The following GPANK1 variants were observed in gnomAD, a reference collection of about 807,000 sequenced individuals.
The protein encoded by GPANK1 is G-patch domain and ankyrin repeats 1.
A neutral mutation model predicts 24.0 loss-of-function variants in GPANK1; 22 were observed. The ratio of observed to expected loss-of-function variants is 0.92; its 90% confidence interval spans 0.66 to 1.31. GPANK1 has a LOEUF of 1.31. Among genes scored for constraint, GPANK1 ranks in the 50% most tolerant of loss-of-function variants. The pLI is 0.00. For missense variants in GPANK1, 469 were observed against 453.5 expected, an observed-to-expected ratio of 1.03 and a Z score of -0.31; for synonymous variants, 174 against 177.4, an observed-to-expected ratio of 0.98 and a Z score of 0.15.
Position 31,662,817 on chromosome 6 carries a change from G to T in GPANK1, c.627-107C>A. 1 of 683,668 alleles carries T rather than the reference G, an allele frequency of 1.5e-6. No individual in the cohort carries two copies. Among genetic ancestry groups the T allele is most frequent in the Non-Finnish European group, 2.4e-6 (1 of 416,592 alleles). 42.4% of individuals were successfully genotyped at this position (683,668 alleles called of 1,614,324 possible). A position where few individuals can be genotyped will look rare whatever the true frequency, so the allele number is the denominator to read the frequency against. ...AGAATAGGATCTTTTCAGCTTTTCTGCTAAGGAACAAATTGCCAGCTAGGC... is the reference window on the plus strand; with the variant it reads ...AGAATAGGATCTTTTCAGCTTTTCTTCTAAGGAACAAATTGCCAGCTAGGC... On this transcript the variant is annotated intron_variant, in intron 2 of 2. Coordinates refer to ENST00000375896, the MANE Select transcript of GPANK1 (RefSeq NM_033177.4). The surrounding 1 kb of genome is among the most constrained non-coding windows in gnomAD (Gnocchi z 5.5).
rs28732158 is a variant in GPANK1 at position 31,662,541 on chromosome 6, C to G, written c.796G>C (p.Gly266Arg). 94,693 of 1,612,860 alleles carry G rather than the reference C, an allele frequency of 0.059. 3,651 individuals are homozygous for G. Among genetic ancestry groups the G allele is most frequent in the East Asian group, 0.15 (6,799 of 44,870 alleles). ...AGCCCCATTCCTGGCTCCCAGCCCC[C>G]CCTCAGCAGCAGTTTGAAGCCCGGG... ...SSPGFKLLLR[G>R]GWEPGMGLGP... Residue 266 changes from glycine to arginine, a missense_variant, in exon 3 of 3, where the codon GGG becomes CGG. Physicochemically the swap from Gly to Arg is moderately radical, Grantham distance 125. Coordinates refer to ENST00000375896, the MANE Select transcript of GPANK1 (RefSeq NM_033177.4). The surrounding 1 kb of genome is among the most constrained non-coding windows in gnomAD (Gnocchi z 5.5).
In GPANK1 at chr6:31,662,363, C is replaced by A; in HGVS notation, c.974G>T (p.Arg325Leu). The change falls in exon 3 of 3, where the codon CGG (arginine) becomes CTG (leucine). Residue 325 changes from arginine to leucine, a missense_variant. Coordinates refer to ENST00000375896, the MANE Select transcript of GPANK1 (RefSeq NM_033177.4). The surrounding 1 kb of genome is among the most constrained non-coding windows in gnomAD (Gnocchi z 5.5). ...RAVAGRERPP[R>L]VATLSWREER... ...CTCCCTCCAGCTCAGTGTGGCCACCCGAGGGGGTCTCTCCCTCCCAGCCAC... is the reference window on the plus strand; with the variant it reads ...CTCCCTCCAGCTCAGTGTGGCCACCAGAGGGGGTCTCTCCCTCCCAGCCAC... 2 of 1,612,192 alleles carry A rather than the reference C, an allele frequency of 1.2e-6. No individual in the cohort carries two copies. The highest frequency in any genetic ancestry group is 1.1e-5 in the South Asian group (1 of 90,932).
At chr6:31,665,415 G>A, upstream of GPANK1, 3 of 1,552,160 alleles carry the variant, frequency 1.9e-6, no homozygotes, top group Non-Finnish European at 2.6e-6. Flanking sequence ...CTCTGACCAG[G>A]GTTCGAAGGT....
At chr6:31,665,619 C>T, upstream of GPANK1, 3 of 1,041,188 alleles carry the variant, frequency 2.9e-6, no homozygotes, top group Non-Finnish European at 4.4e-6. Context: ...GTATGCCCGT[C>T]AAGGGTCTCT....
In GPANK1 at chr6:31,664,958, C is replaced by T; in HGVS notation, c.-217G>A. ...CCTAGAAGATCTCGGGGAGAGTCTC[C>T]TATACGTGTTGCTGTGTAGCTTCCG... On this transcript the variant is annotated 5_prime_UTR_variant, in exon 1 of 3. Transcript: ENST00000375896. 1 of 232,930 alleles carries T rather than the reference C, an allele frequency of 4.3e-6. No homozygotes were observed. The allele number at this position is 232,930 out of a possible 1,614,324, so 14.4% of individuals were successfully genotyped here.
chr6:31,665,642 T>A, upstream of GPANK1: 1 of 929,024 alleles, frequency 1.1e-6, no homozygotes, highest in Non-Finnish European at 1.7e-6. Context: ...CGGGACTGAT[T>A]CGCACTAGGG....
At position 31,664,078 on chromosome 6, in the gene GPANK1, C is replaced by A. The variant is rs756631562; in HGVS notation, c.401G>T (p.Gly134Val). ...LEPHEAGGAGGNINARDAFWW... is the reference protein window; with the variant it reads ...LEPHEAGGAGVNINARDAFWW... ...GAAGGCATCCCGGGCGTTGATATTC[C>A]CCCCAGCTCCTCCTGCCTCATGCGG... is the stretch of plus-strand genomic sequence containing the variant. The change falls in exon 2 of 3, where the codon GGG becomes GTG. Residue 134 changes from glycine to valine, a missense_variant. Physicochemically the swap from Gly to Val is moderately radical, Grantham distance 109. Transcript: ENST00000375896. The A allele has an allele frequency of 2.2e-5, 35 of 1,614,146 alleles. No individual in the cohort carries two copies. Among genetic ancestry groups the A allele is most frequent in the Non-Finnish European group, 3.0e-5 (35 of 1,180,012 alleles).
chr6:31,666,225 C>T, upstream of GPANK1: 1 of 986,620 alleles, frequency 1.0e-6, no homozygotes, highest in Non-Finnish European at 1.2e-6. Context: ...CTGAAGTCGT[C>T]GCTGCTCCGA....
upstream of GPANK1, chr6:31,665,705 T>C (rs28732159): frequency 0.032 from 26,227 of 809,674 alleles, 600 homozygotes; most frequent in South Asian, 0.05. Flanking sequence ...GCCAGTCCCC[T>C]GGGCAGCAGC....
chr6:31,665,411 C>G (rs1358457987), upstream of GPANK1: 1 of 1,549,194 alleles, frequency 6.5e-7, no homozygotes, highest in Admixed American at 1.9e-5. Flanking sequence ...ATTACTCTGA[C>G]CAGGGTTCGA....
chr6:31,665,832 C>T, upstream of GPANK1: 1 of 1,188,726 alleles, frequency 8.4e-7, no homozygotes, highest in Non-Finnish European at 1.1e-6. Context: ...AACTGTATTG[C>T]CCAGACTCCC....
Position 31,664,373 on chromosome 6 carries a change from C to G in GPANK1, c.106G>C (p.Asp36His). The change falls in exon 2 of 3, where the codon GAT (aspartate) becomes CAT (histidine). Residue 36 changes from aspartate (D) to histidine (H), a missense_variant. Transcript: ENST00000375896. ...TAGAAAGCTCGGGCTGCAGCCCCAT[C>G]CAGGGTGGACTCTGGCTTCTCGGGC... is the stretch of plus-strand genomic sequence containing the variant. ...PQPEKPESTL[D>H]GAAARAFYEA... 1 of 1,614,206 alleles carries G rather than the reference C, an allele frequency of 6.2e-7. No homozygotes were observed. The highest frequency in any genetic ancestry group is 1.7e-5 in the Admixed American group (1 of 60,026).
In GPANK1 at chr6:31,662,318, TTCTCCTCCCTCCTTC is replaced by T. The variant is rs1800963521; in HGVS notation, c.1004_1018del (p.Arg335_Glu339del). ...TAGATCCCGCTCCCAAGCCCTGTCT[TTCTCCTCCCTCCTTC>T]TCTCCTCCCTCCAGCTCAGTGTGGC... is the stretch of plus-strand genomic sequence containing the variant. On this transcript the variant is annotated inframe_deletion, in exon 3 of 3. Transcript: ENST00000375896. The surrounding 1 kb of genome is among the most constrained non-coding windows in gnomAD (Gnocchi z 5.5). 10 of 1,591,532 alleles carry T rather than the reference TTCTCCTCCCTCCTTC, an allele frequency of 6.3e-6. No homozygotes were observed. Among genetic ancestry groups the T allele is most frequent in the South Asian group, 1.1e-5 (1 of 88,832 alleles).
At chr6:31,663,768 G>C in intron 2 of GPANK1, 85 bp downstream of exon 2, 1 of 1,508,036 alleles carries the variant, frequency 6.6e-7, no homozygotes, top group Admixed American at 2.3e-5. Context: ...GAACTCTTCA[G>C]CACTGTGCTG....
In GPANK1 at chr6:31,664,024, C is replaced by A. The variant is rs761935261; in HGVS notation, c.455G>T (p.Arg152Leu). 1 of 1,614,210 alleles carries A rather than the reference C, an allele frequency of 6.2e-7. No individual in the cohort carries two copies. Among genetic ancestry groups the A allele is most frequent in the Non-Finnish European group, 8.5e-7 (1 of 1,180,046 alleles). ...GCTCACAGCTGCCCCCTGGCCCGCT[C>A]GAGCAGCACACATCAGTGGGGTCCA... ...FWWTPLMCAA[R>L]AGQGAAVSYL... Residue 152 changes from arginine to leucine, a missense_variant, in exon 2 of 3, where the codon CGA becomes CTA. By Grantham distance (102) the Arg-to-Leu change is moderately radical (BLOSUM62 -2). Transcript: ENST00000375896.
At chr6:31,665,323 G>A (rs1801505370), upstream of GPANK1, 2 of 899,272 alleles carry the variant, frequency 2.2e-6, no homozygotes, top group East Asian at 5.3e-5. Context: ...GGTTAGGAAA[G>A]GCCCTCAGGA....
rs1315191965 is a variant in GPANK1, at chr6:31,664,374, C to G, written c.105G>C (p.Leu35=). The G allele has an allele frequency of 1.2e-6, 2 of 1,614,092 alleles. No individual in the cohort carries two copies. Among genetic ancestry groups the G allele is most frequent in the Non-Finnish European group, 1.7e-6 (2 of 1,180,032 alleles). The stretch of plus-strand genomic sequence containing the variant: ...AGAAAGCTCGGGCTGCAGCCCCATC[C>G]AGGGTGGACTCTGGCTTCTCGGGCT... ...QPQPEKPEST[L]DGAAARAFYE... The change falls in exon 2 of 3, where the codon CTG becomes CTC. Residue 35 remains leucine (L), a synonymous_variant. Transcript: ENST00000375896.
rs1800906203 is a variant in GPANK1, at chr6:31,661,906, T to G, written c.*360A>C. On this transcript the variant is annotated 3_prime_UTR_variant, in exon 3 of 3. Coordinates refer to ENST00000375896, the MANE Select transcript of GPANK1 (RefSeq NM_033177.4). ...CTGGGCAATTCTTGGTCCAGGGGGG[T>G]TGAAAGAATAGGTGGGGGACTCCCA... is the stretch of plus-strand genomic sequence containing the variant. 2 of 236,954 alleles carry G rather than the reference T, an allele frequency of 8.4e-6. No homozygotes were observed. 14.7% of individuals were successfully genotyped at this position (236,954 alleles called of 1,614,324 possible). A position where few individuals can be genotyped will look rare whatever the true frequency, so the allele number is the denominator to read the frequency against.
rs1800952989 is a variant in GPANK1 at position 31,662,250 on chromosome 6, T to C, written c.*16A>G. On this transcript the variant is annotated 3_prime_UTR_variant, in exon 3 of 3. Transcript: ENST00000375896. This position sits in a 1 kb window ranked among gnomAD's most constrained non-coding sequence, Gnocchi z 5.5. ...TTCAGACTTCAGCAGCAGACTAGGG[T>C]CAGACTTTACCAAAGTCAGAACTCG... 3 of 1,510,922 alleles carry C rather than the reference T, an allele frequency of 2.0e-6. No individual in the cohort carries two copies. Among genetic ancestry groups the C allele is most frequent in the Non-Finnish European group, 2.7e-6 (3 of 1,120,892 alleles). 93.6% of individuals were successfully genotyped at this position (1,510,922 alleles called of 1,614,324 possible). A position where few individuals can be genotyped will look rare whatever the true frequency, so the allele number is the denominator to read the frequency against.
Sources: gnomAD v4.1 joint callset for allele counts on GRCh38, gnomAD v4.1.1 for gene constraint, Gnocchi (gnomAD v3.1) non-coding constraint, MANE v1.5 for transcripts, NCBI Gene and HGNC (gene_info 2026-07-23, HGNC 2026-07-21) for gene names.